Variants in ZC3H14 observed in about 807,000 individuals in gnomAD.
The protein encoded by ZC3H14 is zinc finger CCCH-type containing 14.
ZC3H14 carries 31 observed loss-of-function variants against 92.4 expected under a neutral mutation model. The observed-to-expected ratio is 0.34, with a 90% CI of 0.25 to 0.45. The LOEUF (loss-of-function observed/expected upper bound fraction) is 0.45, where lower values mean the gene tolerates loss of function less well. Ranked by LOEUF, ZC3H14 falls within the 20% of genes least tolerant of loss-of-function variation. The probability of loss-of-function intolerance (pLI) is 1.00; values close to 1 mark genes in which losing one functional copy is unlikely to be tolerated. For synonymous variants in ZC3H14, 321 were observed against 300.9 expected (o/e 1.07, Z -0.69); for missense variants, 781 against 897.3 (o/e 0.87, Z 1.66).
Position 88,601,980 on chromosome 14 carries a change from A to G in ZC3H14, c.1411A>G (p.Lys471Glu), listed in dbSNP as rs149122416. The G allele has an allele frequency of 6.2e-7, 1 of 1,614,202 alleles. No homozygotes were observed. The highest frequency in any genetic ancestry group is 1.3e-5 in the African/African-American group (1 of 75,064). The change falls in exon 11 of 17, where the codon AAG (lysine) becomes GAG (glutamate). Residue 471 changes from lysine (K) to glutamate (E), a missense_variant. This residue lies in a region of ZC3H14 where 454 missense variants were observed against 438.5 expected (regional missense o/e 1.04). Transcript: ENST00000251038. ...AGACACAAGATCATTTATTCTGAAG[A>G]AGCCAAAGCTGTCTGAGGAAGTAGT... is the stretch of plus-strand genomic sequence containing the variant. The part of the protein sequence containing the change: ...HADTRSFILK[K>E]PKLSEEVVVA...
At chr14:88,594,393 A>T (rs2083531337) in intron 9 of ZC3H14, 1 of 1,087,050 alleles carries the variant, frequency 9.2e-7, no homozygotes, top group African/African-American at 1.7e-5. Context: ...TTTGTATGTA[A>T]TAATAGGGTT....
At chr14:88,599,505 G>A (rs1279656299) in intron 10 of ZC3H14, among the ~76,000 whole-genome samples, 1 of 152,186 alleles carries the variant, frequency 6.6e-6, no homozygotes, top group Non-Finnish European at 1.5e-5. Flanking sequence ...TGTGACCTGG[G>A]CTGCTAACGT....
At chr14:88,611,598 AATT>A (rs1287570162) in intron 16 of ZC3H14, 144 bp from the exon 17 acceptor site, 2 of 859,792 alleles carry the variant, frequency 2.3e-6, no homozygotes, top group Non-Finnish European at 3.6e-6. Context: ...GACATAATTG[AATT>A]ATTTTTAAAA....
At chr14:88,580,227 C>T (rs899834097) in intron 9 of ZC3H14, among the ~76,000 whole-genome samples, 1 of 151,954 alleles carries the variant, frequency 6.6e-6, no homozygotes, top group African/African-American at 2.4e-5. Context: ...ATTGCTGGAG[C>T]CCAGGAGGCT....
intron 9 of ZC3H14, among the ~76,000 whole-genome samples, chr14:88,593,649 A>G (rs926760429): frequency 1.3e-5 from 2 of 152,188 alleles, no homozygotes; most frequent in Admixed American, 6.5e-5. Flanking sequence ...TCCACAGGTG[A>G]TGCTGGGACA....
In ZC3H14 at chr14:88,620,475, C is replaced by G. The variant is rs2088695870; in HGVS notation, c.*8724C>G. ...TCTTGTATTACAGTGGGAGATACCTCTTGGTGGGATGAACTTAATGGACAT... is the reference window on the plus strand; with the variant it reads ...TCTTGTATTACAGTGGGAGATACCTGTTGGTGGGATGAACTTAATGGACAT... On this transcript the variant is annotated 3_prime_UTR_variant, in exon 17 of 17. Coordinates refer to ENST00000251038, the MANE Select transcript of ZC3H14 (RefSeq NM_024824.5). The surrounding 1 kb of genome is among the most constrained non-coding windows in gnomAD (Gnocchi z 4.3). 3.6e-6 allele frequency: 1 copy of G among 274,730 alleles called. No individual in the cohort carries two copies. Among genetic ancestry groups the G allele is most frequent in the Non-Finnish European group, 6.7e-6 (1 of 148,882 alleles). 17.0% of individuals were successfully genotyped at this position (274,730 alleles called of 1,614,324 possible).
At position 88,620,684 on chromosome 14, in the gene ZC3H14, T is replaced by A; in HGVS notation, c.*8933T>A. ...GGGGACCTCTTTTTGAAGGCAAGGCTATGGAAAATTTTACAAATGGAAGTT... is the reference window on the plus strand; with the variant it reads ...GGGGACCTCTTTTTGAAGGCAAGGCAATGGAAAATTTTACAAATGGAAGTT... On this transcript the variant is annotated 3_prime_UTR_variant, in exon 17 of 17. Coordinates refer to ENST00000251038, the MANE Select transcript of ZC3H14 (RefSeq NM_024824.5). The surrounding 1 kb of genome is among the most constrained non-coding windows in gnomAD (Gnocchi z 4.3). 1 of 1,346,686 alleles carries A rather than the reference T, an allele frequency of 7.4e-7. No homozygotes were observed. Among genetic ancestry groups the A allele is most frequent in the Non-Finnish European group, 9.7e-7 (1 of 1,030,206 alleles). The allele number at this position is 1,346,686 out of a possible 1,614,324, so 83.4% of individuals were successfully genotyped here.
At chr14:88,574,269 G>T in intron 6 of ZC3H14, 1 of 161,598 alleles carries the variant, frequency 6.2e-6, no homozygotes, top group South Asian at 1.6e-4. Context: ...ATTTTGATAC[G>T]GTGTCTCACT....
Position 88,571,998 on chromosome 14 carries a change from A to G in ZC3H14, c.236-32A>G. The G allele has an allele frequency of 2.0e-6, 3 of 1,483,224 alleles. No individual in the cohort carries two copies. In the South Asian group the frequency reaches 4.1e-5, roughly 20 times the overall value. 91.9% of individuals were successfully genotyped at this position (1,483,224 alleles called of 1,614,324 possible). On this transcript the variant is annotated intron_variant, in intron 4 of 16. Transcript: ENST00000251038. ...AAATAAATAAAAATAAGAAATAAAAATAGATTAAAAGGACTGTATTTTTCT... is the reference window on the plus strand; with the variant it reads ...AAATAAATAAAAATAAGAAATAAAAGTAGATTAAAAGGACTGTATTTTTCT...
chr14:88,594,595 A>G, intron 9 of ZC3H14: 1 of 1,557,342 alleles, frequency 6.4e-7, no homozygotes, highest in Non-Finnish European at 8.6e-7. Flanking sequence ...TGCTCTTAAT[A>G]CGTCTTAAGG....
At chr14:88,609,148 T>C in intron 13 of ZC3H14, 119 bp from the exon 14 acceptor site, 3 of 1,196,416 alleles carry the variant, frequency 2.5e-6, no homozygotes, top group Non-Finnish European at 3.6e-6. Flanking sequence ...TTTTTGTTGC[T>C]GTTTTTTTTG....
chr14:88,626,698 G>T lies in ZC3H14; in HGVS notation c.*14947G>T. ...TTCTGAAAGAACTAGATTTTTGAAA[G>T]ATGAAATATATGCTTGACCAGGGCA... On this transcript the variant is annotated 3_prime_UTR_variant, in exon 17 of 17. Coordinates refer to ENST00000251038, the MANE Select transcript of ZC3H14 (RefSeq NM_024824.5). The T allele has an allele frequency of 1.2e-6, 1 of 829,478 alleles. No individual in the cohort carries two copies. The highest frequency in any genetic ancestry group is 1.8e-6 in the Non-Finnish European group (1 of 549,088). The allele number at this position is 829,478 out of a possible 1,614,324, so 51.4% of individuals were successfully genotyped here.
intron 9 of ZC3H14, among the ~76,000 whole-genome samples, chr14:88,585,867 T>G (rs546969536): frequency 3.2e-4 from 48 of 152,356 alleles, no homozygotes; most frequent in African/African-American, 1.1e-3. Context: ...AATTTGATCT[T>G]TTTTAAAATG....
intron 1 of ZC3H14, 84 bp from the exon 2 acceptor site, chr14:88,563,567 A>C (rs1358572122): frequency 2.5e-6 from 4 of 1,590,608 alleles, no homozygotes; most frequent in Non-Finnish European, 2.6e-6. Context: ...GCGCACCAGC[A>C]AAGTGGCCTC....
chr14:88,574,562 TA>T, intron 6 of ZC3H14, 130 bp from the exon 7 acceptor site: 1 of 1,213,588 alleles, frequency 8.2e-7, no homozygotes, highest in Non-Finnish European at 1.2e-6. Context: ...TATTTTTACA[TA>T]AAACCAAGAA....
chr14:88,603,224 CTT>C (rs916107340), intron 12 of ZC3H14, among the ~76,000 whole-genome samples, 164 bp downstream of exon 12: 15 of 152,288 alleles, frequency 9.8e-5, no homozygotes, highest in African/African-American at 3.6e-4. Flanking sequence ...ATTTCAGACT[CTT>C]TTTCCTGTGT....
chr14:88,623,334 T>C lies in ZC3H14; in HGVS notation c.*11583T>C, dbSNP rs1347482147. 6.6e-6 allele frequency: 1 copy of C among 151,526 alleles called. No individual in the cohort carries two copies. Among genetic ancestry groups the C allele is most frequent in the African/African-American group, 2.4e-5 (1 of 41,230 alleles). The allele number at this position is 151,526 out of a possible 1,614,324, so 9.4% of individuals were successfully genotyped here. A position where few individuals can be genotyped will look rare whatever the true frequency, so the allele number is the denominator to read the frequency against. On this transcript the variant is annotated 3_prime_UTR_variant, in exon 17 of 17. Coordinates refer to ENST00000251038, the MANE Select transcript of ZC3H14 (RefSeq NM_024824.5). ...GCCTGGCCTCATAATACTTCTTGAT[T>C]AGGAAGATGTAAAAAAACAATTTTA...
Position 88,626,571 on chromosome 14 carries a change from C to T in ZC3H14, c.*14820C>T, listed in dbSNP as rs1050160195. 5 of 416,938 alleles carry T rather than the reference C, an allele frequency of 1.2e-5. No individual in the cohort carries two copies. The highest frequency in any genetic ancestry group is 6.0e-5 in the African/African-American group (3 of 49,606). 25.8% of individuals were successfully genotyped at this position (416,938 alleles called of 1,614,324 possible). A position where few individuals can be genotyped will look rare whatever the true frequency, so the allele number is the denominator to read the frequency against. On this transcript the variant is annotated 3_prime_UTR_variant, in exon 17 of 17. Transcript: ENST00000251038. ...GATGGAGGCTACAGTGAGCTATAAT[C>T]GCACCATTGCACCCCAGCCCAGGCG...
chr14:88,588,097 G>A (rs2082673409), intron 9 of ZC3H14, among the ~76,000 whole-genome samples: 1 of 150,290 alleles, frequency 6.7e-6, no homozygotes, highest in Admixed American at 6.6e-5. Flanking sequence ...TTGCCTACCT[G>A]TACTGTAGCC....
Sources: gnomAD v4.1 joint callset for allele counts (sites outside exome capture counted in the v4.1 genomes callset) on GRCh38, gnomAD v4.1.1 for gene constraint, gnomAD v4.1.1 regional missense constraint, Gnocchi (gnomAD v3.1) non-coding constraint, MANE v1.5 for transcripts, NCBI Gene and HGNC (gene_info 2026-07-23, HGNC 2026-07-21) for gene names.